NRG1: variants seen among roughly 807,000 people sequenced by gnomAD.
NRG1 encodes the protein pro-neuregulin-1, membrane-bound isoform.
In NRG1, 18 loss-of-function variants were observed where a neutral mutation model predicts 63.8. The observed-to-expected ratio is 0.28, with a 90% CI of 0.19 to 0.42. The LOEUF (loss-of-function observed/expected upper bound fraction) is 0.42, where lower values mean the gene tolerates loss of function less well. Among genes scored for constraint, NRG1 ranks in the 10% least tolerant of loss-of-function variants. The pLI is 1.00. For missense variants in NRG1, 762 were observed against 814.7 expected, an observed-to-expected ratio of 0.94 and a Z score of 0.79; for synonymous variants, 302 against 301.3, an observed-to-expected ratio of 1.00 and a Z score of -0.02.
chr8:32,347,075 C>A (rs62497631), intron 1 of NRG1, among the ~76,000 whole-genome samples: 1 of 151,938 alleles, frequency 6.6e-6, no homozygotes. Context: ...GTGATCCGCC[C>A]GCCTCAGCCT....
rs1025074316 is a variant in NRG1 at position 31,899,766 on chromosome 8, A to C, written c.37+260335A>C. Among the ~76,000 whole-genome samples the C allele has an allele frequency of 2.0e-5, 3 of 152,240 alleles. No individual in the cohort carries two copies. The South Asian group carries it at 6.2e-4, about 31-fold the overall frequency. On this transcript the variant is annotated intron_variant, in intron 1 of 10. Transcript: ENST00000519301. ...CATAATTATTCCATTATAAAAACAC[A>C]TACACACACTCAATAAAATGTGTTG...
chr8:32,407,294 TTA>T (rs1226138188), intron 1 of NRG1, among the ~76,000 whole-genome samples: 53 of 3,760 alleles, frequency 0.014, no homozygotes, highest in African/African-American at 0.021. Context: ...TATATATATA[TTA>T]TATATATATA....
chr8:32,022,337 G>T (rs1816583130), intron 1 of NRG1, among the ~76,000 whole-genome samples: 1 of 152,098 alleles, frequency 6.6e-6, no homozygotes, highest in Non-Finnish European at 1.5e-5. Flanking sequence ...ACATAGATGG[G>T]ACTGCTTCCA....
intron 1 of NRG1, among the ~76,000 whole-genome samples, chr8:32,575,196 A>G (rs1379289518): frequency 6.6e-6 from 1 of 152,200 alleles, no homozygotes; most frequent in Non-Finnish European, 1.5e-5. Flanking sequence ...CCCCTCTGGC[A>G]TAGACATTCA....
intron 1 of NRG1, among the ~76,000 whole-genome samples, chr8:31,786,384 G>A (rs776173912): frequency 6.6e-6 from 1 of 152,238 alleles, no homozygotes; most frequent in Non-Finnish European, 1.5e-5. Flanking sequence ...TCACCAAGAA[G>A]TGTGTGGGGA....
At chr8:31,863,363 G>A (rs932877576) in intron 1 of NRG1, among the ~76,000 whole-genome samples, 20 of 152,136 alleles carry the variant, frequency 1.3e-4, no homozygotes, top group Admixed American at 1.0e-3. Context: ...GTTTTATTAG[G>A]GGAAGGGGGA....
At chr8:31,964,126 C>T (rs1227373375) in intron 1 of NRG1, among the ~76,000 whole-genome samples, 1 of 152,130 alleles carries the variant, frequency 6.6e-6, no homozygotes, top group Non-Finnish European at 1.5e-5. Flanking sequence ...TGTCTGTCTT[C>T]CCAGCCCACA....
At chr8:32,117,802 G>A (rs1832932919) in intron 1 of NRG1, among the ~76,000 whole-genome samples, 2 of 151,932 alleles carry the variant, frequency 1.3e-5, no homozygotes, top group Non-Finnish European at 1.5e-5. Context: ...TCATTCTCTA[G>A]TGAAATATTT....
chr8:31,914,192 A>G (rs1181877157), intron 1 of NRG1, among the ~76,000 whole-genome samples: 1 of 152,238 alleles, frequency 6.6e-6, no homozygotes, highest in African/African-American at 2.4e-5. Flanking sequence ...GTTCACGTGG[A>G]TAGAGAATTC....
rs1831012791 is a variant in NRG1, at chr8:32,763,139, A to C, written c.1260-609A>C. 5 of 1,437,464 alleles carry C rather than the reference A, an allele frequency of 3.5e-6. No individual in the cohort carries two copies. The East Asian group carries it at 9.2e-5, about 26-fold the overall frequency. The allele number at this position is 1,437,464 out of a possible 1,614,324, so 89.0% of individuals were successfully genotyped here. On this transcript the variant is annotated intron_variant, in intron 11 of 11. Transcript: ENST00000356819. ...AATGTTAACTAGTTGCATTTCATGG[A>C]AAAAATGAAAAGCACACAAATGTAT...
chr8:32,130,447 G>A (rs1046829280), intron 1 of NRG1, among the ~76,000 whole-genome samples: 1 of 151,692 alleles, frequency 6.6e-6, no homozygotes, highest in African/African-American at 2.4e-5. Flanking sequence ...GGTGCATTTG[G>A]GAAACTACTT....
intron 1 of NRG1, among the ~76,000 whole-genome samples, chr8:31,790,288 T>G (rs1820577015): frequency 6.6e-6 from 1 of 152,034 alleles, no homozygotes; most frequent in East Asian, 1.9e-4. Flanking sequence ...GACAAGAAAC[T>G]AATATGGGAC....
intron 5 of NRG1, among the ~76,000 whole-genome samples, chr8:32,672,381 T>A (rs968744146): frequency 6.6e-6 from 1 of 152,140 alleles, no homozygotes; most frequent in African/African-American, 2.4e-5. Context: ...ATATTTTTTA[T>A]TCACTATTGC....
intron 1 of NRG1, among the ~76,000 whole-genome samples, chr8:32,276,963 G>GTAACAACC (rs1852172497): frequency 6.6e-6 from 1 of 152,144 alleles, no homozygotes. Flanking sequence ...CATAAGTAAG[G>GTAACAACC]TTGTTACCTG....
chr8:31,661,642 C>G lies in NRG1; in HGVS notation c.37+22211C>G, dbSNP rs189109171. On this transcript the variant is annotated intron_variant, in intron 1 of 10. Transcript: ENST00000519301. ...TAACCAGTTGTGTCATTGATTTCTA[C>G]TGATAGGTTTATAGCAAATGACTTT... Among the ~76,000 whole-genome samples, 54 of 152,314 alleles carry G rather than the reference C, an allele frequency of 3.5e-4. 1 individual carries two copies. Among genetic ancestry groups the G allele is most frequent in the Middle Eastern group, 3.4e-3 (1 of 294 alleles).
At chr8:31,658,949 G>A (rs1805697789) in intron 1 of NRG1, among the ~76,000 whole-genome samples, 1 of 152,182 alleles carries the variant, frequency 6.6e-6, no homozygotes, top group Admixed American at 6.5e-5. Flanking sequence ...CATGCCAAAG[G>A]TCCTTTGACA....
intron 1 of NRG1, among the ~76,000 whole-genome samples, chr8:32,439,627 C>T (rs1420979815): frequency 6.6e-6 from 1 of 152,040 alleles, no homozygotes; most frequent in Non-Finnish European, 1.5e-5. Flanking sequence ...TACATCAGAA[C>T]TTAACAAAAC....
intron 1 of NRG1, among the ~76,000 whole-genome samples, chr8:32,487,150 TAAA>T (rs5890654): frequency 1.4e-5 from 2 of 143,812 alleles, no homozygotes; most frequent in African/African-American, 5.1e-5. Context: ...CCACTATTGA[TAAA>T]AAAAAAAAAA....
At chr8:31,734,060 G>A (rs1377940286) in intron 1 of NRG1, among the ~76,000 whole-genome samples, 2 of 152,114 alleles carry the variant, frequency 1.3e-5, no homozygotes, top group East Asian at 1.9e-4. Context: ...GCAGAGCACA[G>A]GCCTGGGCAG....
Sources: gnomAD v4.1 joint callset for allele counts (sites outside exome capture counted in the v4.1 genomes callset) on GRCh38, gnomAD v4.1.1 for gene constraint, MANE v1.5 for transcripts, NCBI Gene and HGNC (gene_info 2026-07-23, HGNC 2026-07-21) for gene names.